CEP97: variants seen among roughly 807,000 people sequenced by gnomAD.
CEP97 encodes centrosomal protein of 97 kDa.
Under a neutral mutation model 73.1 loss-of-function variants are expected in CEP97, and 43 were observed. That is an observed-to-expected ratio of 0.59 (90% CI 0.46 to 0.76). CEP97 has a LOEUF of 0.76. Among genes scored for constraint, CEP97 ranks in the 30% least tolerant of loss-of-function variants. The probability of loss-of-function intolerance (pLI) is 0.00; values close to 1 mark genes in which losing one functional copy is unlikely to be tolerated. For missense variants in CEP97, 939 were observed against 1,014.0 expected, an observed-to-expected ratio of 0.93 and a Z score of 1.00; for synonymous variants, 337 against 370.0, an observed-to-expected ratio of 0.91 and a Z score of 1.02.
chr3:101,743,373 TC>T lies in CEP97; in HGVS notation c.728+10720del, dbSNP rs1479136188. On this transcript the variant is annotated intron_variant, in intron 6 of 10. Coordinates refer to ENST00000341893, the MANE Select transcript of CEP97 (RefSeq NM_024548.4). ...TTTTTTCCTGGTTATTATGGCATCT[TC>T]AACCAGTTTCTCCTAGAAAAAATAT... Among the ~76,000 whole-genome samples, 547 of 152,168 alleles carry T rather than the reference TC, an allele frequency of 3.6e-3. 4 individuals carry two copies. The highest frequency in any genetic ancestry group is 0.012 in the African/African-American group (486 of 41,516).
At chr3:101,762,393 C>A in intron 9 of CEP97, 92 bp from the exon 10 acceptor site, 1 of 581,886 alleles carries the variant, frequency 1.7e-6, no homozygotes, top group Non-Finnish European at 3.0e-6. Flanking sequence ...GATTATTAAT[C>A]TCTTTACAAT....
At chr3:101,757,523 G>A in intron 8 of CEP97, 111 bp from the exon 9 acceptor site, 2 of 991,986 alleles carry the variant, frequency 2.0e-6, no homozygotes, top group South Asian at 3.6e-5. Flanking sequence ...AGAAGTCACT[G>A]AGGGGATTTT....
At chr3:101,754,150 A>G (rs545750735) in intron 6 of CEP97, among the ~76,000 whole-genome samples, 2 of 149,028 alleles carry the variant, frequency 1.3e-5, no homozygotes, top group East Asian at 4.0e-4. Flanking sequence ...AGCCCCACAA[A>G]GTGCTGGGAT....
At chr3:101,730,287 A>T (rs1938064614) in intron 4 of CEP97, among the ~76,000 whole-genome samples, 1 of 139,876 alleles carries the variant, frequency 7.1e-6, no homozygotes, top group African/African-American at 2.7e-5. Flanking sequence ...TTTTGTTGAG[A>T]CGGAGTTTTG....
chr3:101,752,310 C>G (rs546778234), intron 6 of CEP97, among the ~76,000 whole-genome samples: 19 of 152,290 alleles, frequency 1.2e-4, no homozygotes, highest in Admixed American at 1.1e-3. Flanking sequence ...CGACCTTTCT[C>G]TCTGGCTGCC....
At chr3:101,734,892 C>G (rs918524670) in intron 6 of CEP97, among the ~76,000 whole-genome samples, 1 of 152,158 alleles carries the variant, frequency 6.6e-6, no homozygotes, top group African/African-American at 2.4e-5. Context: ...GAGATGAGAC[C>G]TGCTTACGAT....
At chr3:101,751,933 G>C (rs1042871034) in intron 6 of CEP97, among the ~76,000 whole-genome samples, 6 of 152,114 alleles carry the variant, frequency 3.9e-5, no homozygotes, top group African/African-American at 1.2e-4. Context: ...ATATTGTTAT[G>C]TGTGAATTTG....
chr3:101,742,846 T>C (rs1323534101), intron 6 of CEP97, among the ~76,000 whole-genome samples: 2 of 151,650 alleles, frequency 1.3e-5, no homozygotes, highest in African/African-American at 4.8e-5. Context: ...AGACTCCATC[T>C]CAAAAAAATA....
At chr3:101,752,657 C>G (rs1165606425) in intron 6 of CEP97, among the ~76,000 whole-genome samples, 4 of 152,202 alleles carry the variant, frequency 2.6e-5, no homozygotes, top group Non-Finnish European at 5.9e-5. Flanking sequence ...TCTTCCATCA[C>G]TGATACCCTT....
intron 8 of CEP97, 104 bp downstream of exon 8, chr3:101,757,300 TACTA>T: frequency 7.8e-7 from 1 of 1,280,556 alleles, no homozygotes; most frequent in Non-Finnish European, 1.1e-6. Context: ...TTTGTTAGTT[TACTA>T]ACTTCAGTAA....
chr3:101,724,823 C>G (rs1164763676), intron 1 of CEP97, 104 bp downstream of exon 1: 1 of 1,210,452 alleles, frequency 8.3e-7, no homozygotes, highest in Admixed American at 1.9e-5. Context: ...TGGACCAGTT[C>G]TTTTGATGCG....
intron 6 of CEP97, among the ~76,000 whole-genome samples, chr3:101,754,579 C>T (rs1938951176): frequency 6.6e-6 from 1 of 152,164 alleles, no homozygotes; most frequent in African/African-American, 2.4e-5. Flanking sequence ...TTCTTGGGGC[C>T]TCCTGGGCTT....
At chr3:101,739,863 C>T (rs1355739065) in intron 6 of CEP97, among the ~76,000 whole-genome samples, 1 of 151,108 alleles carries the variant, frequency 6.6e-6, no homozygotes, top group African/African-American at 2.4e-5. Context: ...TGAGATCACA[C>T]CACTGCACTC....
chr3:101,731,771 GTGT>G, intron 4 of CEP97, 66 bp from the exon 5 acceptor site: 1 of 787,028 alleles, frequency 1.3e-6, no homozygotes, highest in Non-Finnish European at 2.2e-6. Flanking sequence ...TACCATTTTG[GTGT>G]TGTCACAATA....
At position 101,757,879 on chromosome 3, in the gene CEP97, G is replaced by C. The variant is rs1457652309; in HGVS notation, c.1273G>C (p.Gly425Arg). 1.2e-6 allele frequency: 2 copies of C among 1,614,214 alleles called. No homozygotes were observed. Among genetic ancestry groups the C allele is most frequent in the Non-Finnish European group, 1.7e-6 (2 of 1,180,044 alleles). The change falls in exon 9 of 11, where the codon GGC (glycine) becomes CGC (arginine). Residue 425 changes from glycine (G) to arginine (R), a missense_variant. Physicochemically the swap from Gly to Arg is moderately radical, Grantham distance 125. Coordinates refer to ENST00000341893, the MANE Select transcript of CEP97 (RefSeq NM_024548.4). ...ACCTACAGTTGAGCTGAGGCTGCAG[G>C]GCATTAACTTGGGCCTAGAAGATGA... ...LSPTVELRLQ[G>R]INLGLEDDGV...
In CEP97 at chr3:101,768,196, C is replaced by T. The variant is rs770594423; in HGVS notation, c.*2645C>T. On this transcript the variant is annotated 3_prime_UTR_variant, in exon 11 of 11. Coordinates refer to ENST00000341893, the MANE Select transcript of CEP97 (RefSeq NM_024548.4). ...GAAGGAAGCTTAAGAGATTTCTGTT[C>T]GAATCTCTTTGTTTCAAAGATGAAA... is the stretch of plus-strand genomic sequence containing the variant. The T allele has an allele frequency of 3.9e-5, 6 of 152,128 alleles. No homozygotes were observed. Among genetic ancestry groups the T allele is most frequent in the African/African-American group, 7.2e-5 (3 of 41,428 alleles). The allele number at this position is 152,128 out of a possible 1,614,324, so 9.4% of individuals were successfully genotyped here.
chr3:101,751,021 A>G (rs1196139530), intron 6 of CEP97, among the ~76,000 whole-genome samples: 3 of 151,944 alleles, frequency 2.0e-5, no homozygotes, highest in African/African-American at 7.3e-5. Context: ...TCAATTTTGG[A>G]TCTTTCCTGC....
chr3:101,747,094 G>C (rs1264012543), intron 6 of CEP97, among the ~76,000 whole-genome samples: 6 of 149,252 alleles, frequency 4.0e-5, no homozygotes, highest in Non-Finnish European at 8.9e-5. Context: ...CTGTAAACTA[G>C]TTCAACCATT....
intron 10 of CEP97, chr3:101,763,320 GGAA>G: frequency 1.6e-6 from 1 of 639,862 alleles, no homozygotes; most frequent in South Asian, 3.0e-5. Flanking sequence ...ATAATACTGT[GGAA>G]TACCATGGAA....
Sources: allele counts gnomAD v4.1 joint callset (sites outside exome capture counted in the v4.1 genomes callset), GRCh38; gene constraint gnomAD v4.1.1; transcripts MANE v1.5; gene names NCBI Gene and HGNC (gene_info 2026-07-23, HGNC 2026-07-21).